IQCH: variants seen among roughly 807,000 people sequenced by gnomAD.
IQCH encodes IQ domain-containing protein H.
A neutral mutation model predicts 117.0 loss-of-function variants in IQCH; 98 were observed. The observed-to-expected ratio is 0.84, with a 90% CI of 0.71 to 0.99. The LOEUF is 0.99. Among genes scored for constraint, IQCH ranks in the 50% least tolerant of loss-of-function variants. IQCH has a pLI of 0.00. For synonymous variants in IQCH, 412 were observed against 448.2 expected (o/e 0.92, Z 1.02); for missense variants, 1,102 against 1,243.8 (o/e 0.89, Z 1.72).
chr15:67,260,268 C>T (rs1345402700), intron 1 of IQCH, among the ~76,000 whole-genome samples: 1 of 152,196 alleles, frequency 6.6e-6, no homozygotes, highest in South Asian at 2.1e-4. Context: ...TGCAGAGAAT[C>T]TTGTGCTTTC....
Position 67,472,529 on chromosome 15 carries a change from T to G in IQCH, c.2677-3167T>G, listed in dbSNP as rs2083096747. On this transcript the variant is annotated intron_variant, in intron 17 of 20. Coordinates refer to ENST00000335894, the MANE Select transcript of IQCH (RefSeq NM_001031715.3). This position sits in a 1 kb window ranked among gnomAD's most constrained non-coding sequence, Gnocchi z 4.3. ...GAAAAAACAGCCTGGGAAGTTACAT[T>G]TATTGTAGATCCAAAATCCTTTCAA... 6.6e-6 allele frequency among the ~76,000 whole-genome samples: 1 copy of G among 152,150 alleles called. No individual in the cohort carries two copies. Among genetic ancestry groups the G allele is most frequent in the African/African-American group, 2.4e-5 (1 of 41,434 alleles).
chr15:67,272,332 T>C (rs1460022734), intron 3 of IQCH, among the ~76,000 whole-genome samples: 1 of 152,210 alleles, frequency 6.6e-6, no homozygotes, highest in Non-Finnish European at 1.5e-5. Flanking sequence ...GCCTAAGACA[T>C]GATTTCTAAG....
At chr15:67,290,652 C>G (rs1966720205) in intron 4 of IQCH, among the ~76,000 whole-genome samples, 1 of 151,608 alleles carries the variant, frequency 6.6e-6, no homozygotes, top group African/African-American at 2.4e-5. Flanking sequence ...TCATACAAGG[C>G]TTTACGCTTA....
At chr15:67,461,775 CAG>C (rs1434417183) in intron 16 of IQCH, among the ~76,000 whole-genome samples, 1 of 152,104 alleles carries the variant, frequency 6.6e-6, no homozygotes, top group Non-Finnish European at 1.5e-5. Flanking sequence ...AAAATGGAGA[CAG>C]AGTAATACCA....
At position 67,385,121 on chromosome 15, in the gene IQCH, C is replaced by CT; in HGVS notation, c.1456+103dup. ...TGTTTGTTTTTTGCTTATTTTTTTC[C>CT]TCTACAAGGAAAAAGCTCAGATGTT... On this transcript the variant is annotated intron_variant, in intron 11 of 20. Coordinates refer to ENST00000335894, the MANE Select transcript of IQCH (RefSeq NM_001031715.3). The surrounding 1 kb of genome is among the most constrained non-coding windows in gnomAD (Gnocchi z 4.6). 1.4e-6 allele frequency: 1 copy of CT among 701,614 alleles called. No individual in the cohort carries two copies. Among genetic ancestry groups the CT allele is most frequent in the Non-Finnish European group, 2.4e-6 (1 of 412,160 alleles). 43.5% of individuals were successfully genotyped at this position (701,614 alleles called of 1,614,324 possible).
intron 4 of IQCH, among the ~76,000 whole-genome samples, chr15:67,315,337 T>G (rs1967796542): frequency 6.6e-6 from 1 of 152,226 alleles, no homozygotes; most frequent in African/African-American, 2.4e-5. Context: ...TATAGTCTGA[T>G]GCACCCATAT....
At chr15:67,312,556 G>A (rs912951654) in intron 4 of IQCH, among the ~76,000 whole-genome samples, 1 of 152,066 alleles carries the variant, frequency 6.6e-6, no homozygotes, top group Non-Finnish European at 1.5e-5. Context: ...TGGAAAAGTG[G>A]ATACGTCTAG....
In IQCH at chr15:67,475,005, C is replaced by T. The variant is rs1420493296; in HGVS notation, c.2677-691C>T. On this transcript the variant is annotated intron_variant, in intron 17 of 20. Transcript: ENST00000335894. The surrounding 1 kb of genome is among the most constrained non-coding windows in gnomAD (Gnocchi z 5.7). ...TTCACAAAATGCTTGCCCATTACTCCTCGGAACTGTTAAGATCATCAAACC... is the reference window on the plus strand; with the variant it reads ...TTCACAAAATGCTTGCCCATTACTCTTCGGAACTGTTAAGATCATCAAACC... Among the ~76,000 whole-genome samples the T allele has an allele frequency of 1.3e-5, 2 of 152,162 alleles. No individual in the cohort carries two copies. Among genetic ancestry groups the T allele is most frequent in the Admixed American group, 6.5e-5 (1 of 15,282 alleles).
At chr15:67,409,358 C>G (rs2081385376) in intron 14 of IQCH, among the ~76,000 whole-genome samples, 1 of 152,122 alleles carries the variant, frequency 6.6e-6, no homozygotes, top group Admixed American at 6.6e-5. Flanking sequence ...AACCACAGCC[C>G]CCTGTGGTGA....
In IQCH at chr15:67,344,195, A is replaced by G. The variant is rs1425477713; in HGVS notation, c.637+4A>G. The G allele has an allele frequency of 1.9e-6, 3 of 1,612,516 alleles. No individual in the cohort carries two copies. The highest frequency in any genetic ancestry group is 1.3e-5 in the African/African-American group (1 of 74,640). ...GCACGTAAGATTCCAACTGTAGGTAAGATACTCATGCATCTCAGTTCAGTT... is the reference window on the plus strand; with the variant it reads ...GCACGTAAGATTCCAACTGTAGGTAGGATACTCATGCATCTCAGTTCAGTT... On this transcript the variant is annotated splice_donor_region_variant and intron_variant, in intron 6 of 20. Coordinates refer to ENST00000335894, the MANE Select transcript of IQCH (RefSeq NM_001031715.3).
Position 67,491,948 on chromosome 15 carries a change from C to T in IQCH, c.2861+1884C>T, listed in dbSNP as rs561359739. Among the ~76,000 whole-genome samples the T allele has an allele frequency of 1.6e-4, 25 of 152,136 alleles. No homozygotes were observed. The highest frequency in any genetic ancestry group is 5.5e-4 in the African/African-American group (23 of 41,506). On this transcript the variant is annotated intron_variant, in intron 19 of 20. Transcript: ENST00000335894. This position sits in a 1 kb window ranked among gnomAD's most constrained non-coding sequence, Gnocchi z 4.9. ...TACAGTAAACAAGTAAACAGGTAAA[C>T]GTGGTCTAGTATGTCAACTGCTGAC...
rs1450526443 is a variant in IQCH at position 67,416,534 on chromosome 15, A to T, written c.2098-397A>T. On this transcript the variant is annotated intron_variant, in intron 14 of 20. Transcript: ENST00000335894. This position sits in a 1 kb window ranked among gnomAD's most constrained non-coding sequence, Gnocchi z 5.1. The stretch of plus-strand genomic sequence containing the variant: ...CTGCGTCTCAAAAAAAAAAAGAAAA[A>T]ACAAAAAACAAAAACAAAAAAAACA... Among the ~76,000 whole-genome samples the T allele has an allele frequency of 7.9e-5, 12 of 151,878 alleles. No individual in the cohort carries two copies. The highest frequency in any genetic ancestry group is 7.2e-4 in the Admixed American group (11 of 15,252).
chr15:67,320,878 G>T (rs1273587936), intron 4 of IQCH, among the ~76,000 whole-genome samples: 2 of 152,148 alleles, frequency 1.3e-5, no homozygotes, highest in African/African-American at 4.8e-5. Flanking sequence ...GTTAAAGATA[G>T]TCAGACTGAT....
chr15:67,304,430 C>T, intron 4 of IQCH: 1 of 1,524,080 alleles, frequency 6.6e-7, no homozygotes, highest in Non-Finnish European at 8.8e-7. Context: ...ATCAGTTTGC[C>T]ATATATTAAT....
intron 16 of IQCH, among the ~76,000 whole-genome samples, chr15:67,438,345 A>G (rs1053527100): frequency 6.6e-6 from 1 of 152,218 alleles, no homozygotes; most frequent in Non-Finnish European, 1.5e-5. Flanking sequence ...AGACAAACAA[A>G]TGCTGAGAGA....
At chr15:67,367,258 G>T (rs1970365744) in intron 8 of IQCH, among the ~76,000 whole-genome samples, 1 of 152,292 alleles carries the variant, frequency 6.6e-6, no homozygotes, top group African/African-American at 2.4e-5. Flanking sequence ...AAAATGAGCT[G>T]AGTGCAGTGG....
intron 4 of IQCH, chr15:67,281,997 C>T (rs1966379902): frequency 3.1e-6 from 1 of 321,370 alleles, no homozygotes; most frequent in South Asian, 2.6e-5. Flanking sequence ...TTACTGTGTG[C>T]CCAGGATTAT....
At position 67,356,846 on chromosome 15, in the gene IQCH, C is replaced by A. The variant is rs935743598; in HGVS notation, c.638-499C>A. 1.3e-5 allele frequency among the ~76,000 whole-genome samples: 2 copies of A among 152,150 alleles called. No individual in the cohort carries two copies. Among genetic ancestry groups the A allele is most frequent in the African/African-American group, 2.4e-5 (1 of 41,434 alleles). Reference sequence around the variant, plus strand: ...TTCTCTAAAAGTTGTTGCTTATAGACTTAACTAATTTCAAAAATAATCTTT... The same window carrying A: ...TTCTCTAAAAGTTGTTGCTTATAGAATTAACTAATTTCAAAAATAATCTTT... On this transcript the variant is annotated intron_variant, in intron 6 of 20. Transcript: ENST00000335894. This position sits in a 1 kb window ranked among gnomAD's most constrained non-coding sequence, Gnocchi z 5.3.
intron 16 of IQCH, among the ~76,000 whole-genome samples, chr15:67,442,871 T>TAGATAGATATAC (rs1567193329): frequency 1.0e-5 from 1 of 98,538 alleles, no homozygotes; most frequent in Admixed American, 1.0e-4. Context: ...TAGATATACA[T>TAGATAGATATAC]ATATATATAT....
Sources: allele counts gnomAD v4.1 joint callset (sites outside exome capture counted in the v4.1 genomes callset), GRCh38; gene constraint gnomAD v4.1.1; non-coding constraint Gnocchi (gnomAD v3.1); transcripts MANE v1.5; gene names NCBI Gene and HGNC (gene_info 2026-07-23, HGNC 2026-07-21).